MACF1: variants seen among roughly 807,000 people sequenced by gnomAD.
MACF1 encodes the protein microtubule-actin cross-linking factor 1.
Under a neutral mutation model 854.8 loss-of-function variants are expected in MACF1, and 193 were observed. The ratio of observed to expected loss-of-function variants is 0.23; its 90% CI spans 0.20 to 0.25. The LOEUF is 0.25. Among genes scored for constraint, MACF1 ranks in the 10% least tolerant of loss-of-function variants. The pLI is 1.00. For synonymous variants in MACF1, 3,185 were observed against 3,226.7 expected (o/e 0.99, Z 0.44); for missense variants, 7,722 against 8,929.1 (o/e 0.86, Z 5.45).
intron 2 of MACF1, among the ~76,000 whole-genome samples, chr1:39,143,884 C>G (rs961148348): frequency 6.6e-6 from 1 of 151,536 alleles, no homozygotes; most frequent in Non-Finnish European, 1.5e-5. Context: ...ACACCATTCT[C>G]CTGCCTCAGC....
Position 39,105,451 on chromosome 1 carries a change from A to C in MACF1, c.220+21013A>C. ...GAGCGGGCCGGGTGCGAGCGGACTG[A>C]GGAGCGGAGCGCGACTGCCGGGCCG... On this transcript the variant is annotated intron_variant, in intron 2 of 93. Coordinates refer to the MACF1 transcript ENST00000361689. This position sits in a 1 kb window ranked among gnomAD's most constrained non-coding sequence, Gnocchi z 5.9. The C allele has an allele frequency of 2.0e-6, 2 of 1,003,254 alleles. No individual in the cohort carries two copies. The highest frequency in any genetic ancestry group is 2.4e-6 in the Non-Finnish European group (2 of 843,764). The allele number at this position is 1,003,254 out of a possible 1,614,324, so 62.1% of individuals were successfully genotyped here.
chr1:39,448,216 A>G lies in MACF1; in HGVS notation c.20088+64A>G, dbSNP rs1373304007. 2.6e-6 allele frequency: 4 copies of G among 1,527,690 alleles called. No individual in the cohort carries two copies. The Admixed American group carries it at 6.6e-5, about 25-fold the overall frequency. The allele number at this position is 1,527,690 out of a possible 1,614,324, so 94.6% of individuals were successfully genotyped here. On this transcript the variant is annotated intron_variant, in intron 83 of 100. Coordinates refer to ENST00000564288, the MANE Select transcript of MACF1 (RefSeq NM_001394062.1). Reference sequence around the variant, plus strand: ...ATTCGCTAAAGCTTGTATCTTGCCAAAAATAAAAATCAGAGCTAGTAAAAA... The same window carrying G: ...ATTCGCTAAAGCTTGTATCTTGCCAGAAATAAAAATCAGAGCTAGTAAAAA...
At chr1:39,372,649 G>A (rs992140954) in intron 52 of MACF1, 53 bp downstream of exon 52, 1 of 1,231,780 alleles carries the variant, frequency 8.1e-7, no homozygotes, top group Middle Eastern at 1.9e-4. Context: ...TTTGCTTTTG[G>A]CCTTTGGAGA....
In MACF1 at chr1:39,295,898, G is replaced by A; in HGVS notation, c.2355+16G>A. ...TTATTTTCAGGTGTGATGGATTTCT[G>A]TGTTTGTGTGTGTGTGTACATATGT... On this transcript the variant is annotated intron_variant, in intron 20 of 100. Transcript: ENST00000564288. The A allele has an allele frequency of 6.2e-7, 1 of 1,602,826 alleles. No individual in the cohort carries two copies. The highest frequency in any genetic ancestry group is 8.5e-7 in the Non-Finnish European group (1 of 1,170,554).
At chr1:39,206,973 T>A (rs1287561328) in intron 1 of MACF1, 1 of 151,438 alleles carries the variant, frequency 6.6e-6, no homozygotes, top group Non-Finnish European at 1.5e-5. Context: ...CTTCTTCTGA[T>A]GTAGTCTTTT....
At chr1:39,114,083 T>G (rs1571056981) in intron 2 of MACF1, among the ~76,000 whole-genome samples, 1 of 150,420 alleles carries the variant, frequency 6.6e-6, no homozygotes, top group African/African-American at 2.4e-5. Flanking sequence ...TTCCCAAGCA[T>G]CTACCTGTTG....
intron 2 of MACF1, among the ~76,000 whole-genome samples, chr1:39,118,620 G>C (rs1423615563): frequency 6.6e-6 from 1 of 152,200 alleles, no homozygotes; most frequent in East Asian, 1.9e-4. Context: ...TATCCTGTGG[G>C]AAGTACCTGG....
chr1:39,169,365 G>A (rs1643915191), intron 2 of MACF1, among the ~76,000 whole-genome samples: 1 of 152,218 alleles, frequency 6.6e-6, no homozygotes, highest in Non-Finnish European at 1.5e-5. Flanking sequence ...GGAGGCTGAG[G>A]CAGAAGGATT....
chr1:39,277,520 A>G (rs1413822439), intron 6 of MACF1, among the ~76,000 whole-genome samples: 1 of 152,194 alleles, frequency 6.6e-6, no homozygotes, highest in African/African-American at 2.4e-5. Flanking sequence ...TTCCTGTTTT[A>G]CCTTCATACA....
intron 2 of MACF1, among the ~76,000 whole-genome samples, chr1:39,112,642 C>CT (rs1287267867): frequency 6.6e-6 from 1 of 152,124 alleles, no homozygotes; most frequent in Non-Finnish European, 1.5e-5. Context: ...GATGACACCA[C>CT]TGCACTCCAG....
rs1645077751 is a variant in MACF1, at chr1:39,254,602, G to T, written c.435+227G>T. Reference sequence around the variant, plus strand: ...TGAGAGGAAGAATGTTCACGGAGAAGAACATGATGATAAAGATGGAATTTT... The same window carrying T: ...TGAGAGGAAGAATGTTCACGGAGAATAACATGATGATAAAGATGGAATTTT... On this transcript the variant is annotated intron_variant, in intron 5 of 100. Coordinates refer to ENST00000564288, the MANE Select transcript of MACF1 (RefSeq NM_001394062.1). The T allele has an allele frequency of 1.1e-5, 5 of 457,664 alleles. No individual in the cohort carries two copies. In the East Asian group the frequency reaches 1.7e-4, roughly 16 times the overall value. The allele number at this position is 457,664 out of a possible 1,614,324, so 28.4% of individuals were successfully genotyped here. A position where few individuals can be genotyped will look rare whatever the true frequency, so the allele number is the denominator to read the frequency against.
At position 39,443,536 on chromosome 1, in the gene MACF1, C is replaced by G; in HGVS notation, c.19393C>G (p.Leu6465Val). 1 of 1,613,454 alleles carries G rather than the reference C, an allele frequency of 6.2e-7. No homozygotes were observed. Among genetic ancestry groups the G allele is most frequent in the Non-Finnish European group, 8.5e-7 (1 of 1,179,820 alleles). ...TTCTGCATCTAAGCCCACAGGAGGA[C>G]TTCCTGAAACTGCTAGGGAACAGCT... is the stretch of plus-strand genomic sequence containing the variant. Reference protein sequence around the residue: ...QLSASKPTGGLPETAREQLDT... With the variant: ...QLSASKPTGGVPETAREQLDT... The change falls in exon 79 of 101, where the codon CTT becomes GTT. Residue 6465 changes from leucine to valine, a missense_variant. By Grantham distance (32) the Leu-to-Val change is conservative (BLOSUM62 1). This residue lies in a region of MACF1 where 729 missense variants were observed against 900.5 expected (regional missense o/e 0.81). Transcript: ENST00000564288.
chr1:39,291,750 G>T (rs1379263550), intron 15 of MACF1, among the ~76,000 whole-genome samples, 160 bp from the exon 16 acceptor site: 1 of 152,176 alleles, frequency 6.6e-6, no homozygotes, highest in Non-Finnish European at 1.5e-5. Flanking sequence ...GGTGATGATG[G>T]CGTAATTTTT....
intron 2 of MACF1, among the ~76,000 whole-genome samples, chr1:39,118,563 A>G (rs1354151810): frequency 6.6e-6 from 1 of 152,246 alleles, no homozygotes; most frequent in Non-Finnish European, 1.5e-5. Flanking sequence ...GGAGAGAAAG[A>G]TAGATGGAGC....
chr1:39,206,962 GCTT>G (rs975294443), intron 1 of MACF1: 1 of 150,760 alleles, frequency 6.6e-6, no homozygotes, highest in Non-Finnish European at 1.5e-5. Flanking sequence ...CACAAAGATC[GCTT>G]CTTCTGATGT....
chr1:39,291,879 T>C, intron 15 of MACF1, 31 bp from the exon 16 acceptor site: 5 of 1,600,446 alleles, frequency 3.1e-6, no homozygotes, highest in Non-Finnish European at 4.3e-6. Context: ...CAGCAGTAAA[T>C]TATGTCATAT....
At chr1:39,209,390 G>C (rs1042116167) in intron 1 of MACF1, among the ~76,000 whole-genome samples, 3 of 152,172 alleles carry the variant, frequency 2.0e-5, no homozygotes, top group African/African-American at 7.2e-5. Context: ...AGATGATACA[G>C]AGTTGCCCTG....
In MACF1 at chr1:39,390,085, T is replaced by C. The variant is rs973595584; in HGVS notation, c.15816+1427T>C. Among the ~76,000 whole-genome samples the C allele has an allele frequency of 3.2e-4, 49 of 152,222 alleles. 1 individual carries two copies. The highest frequency in any genetic ancestry group is 2.9e-3 in the Admixed American group (44 of 15,288). The stretch of plus-strand genomic sequence containing the variant: ...ACATCTGTTGGATCTTGGTTCTCAC[T>C]ATATTAACCTGTTGCCCCTAGAGTT... On this transcript the variant is annotated intron_variant, in intron 58 of 100. Coordinates refer to ENST00000564288, the MANE Select transcript of MACF1 (RefSeq NM_001394062.1).
At chr1:39,128,112 A>G (rs779739026) in intron 2 of MACF1, among the ~76,000 whole-genome samples, 8 of 152,100 alleles carry the variant, frequency 5.3e-5, no homozygotes, top group Non-Finnish European at 7.4e-5. Context: ...CTGCACCTTT[A>G]CATCCTTTAT....
Sources: allele counts gnomAD v4.1 joint callset (sites outside exome capture counted in the v4.1 genomes callset), GRCh38; gene constraint gnomAD v4.1.1; regional missense constraint gnomAD v4.1.1; non-coding constraint Gnocchi (gnomAD v3.1); transcripts MANE v1.5; gene names NCBI Gene and HGNC (gene_info 2026-07-23, HGNC 2026-07-21).